The following RNF170 variants were observed in gnomAD, a reference collection of about 807,000 sequenced individuals.
RNF170 encodes the protein E3 ubiquitin-protein ligase RNF170.
RNF170 carries 12 observed loss-of-function variants against 32.7 expected under a neutral mutation model. That is an observed-to-expected ratio of 0.37 (90% CI 0.24 to 0.60). The LOEUF (loss-of-function observed/expected upper bound fraction) is 0.60, where lower values mean the gene tolerates loss of function less well. RNF170 is among the 20% of genes least tolerant of loss of function. The probability of loss-of-function intolerance (pLI) is 0.72; values close to 1 mark genes in which losing one functional copy is unlikely to be tolerated. For synonymous variants in RNF170, 91 were observed against 103.6 expected (o/e 0.88, Z 0.74); for missense variants, 212 against 311.2 (o/e 0.68, Z 2.40).
At chr8:42,867,496 C>T (rs907640767) in intron 4 of RNF170, among the ~76,000 whole-genome samples, 1 of 137,756 alleles carries the variant, frequency 7.3e-6, no homozygotes, top group Non-Finnish European at 1.5e-5. Context: ...AAAAAAAAGG[C>T]CGGGCGCGGT....
chr8:42,873,537 A>C (rs1804677386), intron 3 of RNF170, among the ~76,000 whole-genome samples: 1 of 152,142 alleles, frequency 6.6e-6, no homozygotes, highest in Admixed American at 6.6e-5. Flanking sequence ...TGACAACTGA[A>C]GAAAAAAGGA....
intron 6 of RNF170, among the ~76,000 whole-genome samples, chr8:42,860,169 G>T (rs1224842176): frequency 6.6e-6 from 1 of 152,172 alleles, no homozygotes; most frequent in African/African-American, 2.4e-5. Flanking sequence ...GAAGCAGTTG[G>T]ATCTACAGAG....
chr8:42,893,330 C>G (rs1324523542), intron 1 of RNF170, among the ~76,000 whole-genome samples: 8 of 152,162 alleles, frequency 5.3e-5, no homozygotes, highest in African/African-American at 1.4e-4. Flanking sequence ...AAAAACTGAA[C>G]CCCATCCATC....
chr8:42,886,815 G>T (rs1805863046), intron 2 of RNF170, among the ~76,000 whole-genome samples: 1 of 152,168 alleles, frequency 6.6e-6, no homozygotes, highest in Non-Finnish European at 1.5e-5. Flanking sequence ...TTGAGTCCAG[G>T]AGTTCAAGTC....
intron 3 of RNF170, among the ~76,000 whole-genome samples, chr8:42,871,702 G>A (rs1479668087): frequency 6.6e-6 from 1 of 152,062 alleles, no homozygotes; most frequent in African/African-American, 2.4e-5. Context: ...CTCTGGAGTA[G>A]CTGGGATTAC....
rs529696960 is a variant in RNF170 at position 42,856,098 on chromosome 8, C to T, written c.*61G>A. ...TCATTGCTTTATACTGCCATGGGTCCTTCTGTTTGATGTTCTACATTAGCT... is the reference window on the plus strand; with the variant it reads ...TCATTGCTTTATACTGCCATGGGTCTTTCTGTTTGATGTTCTACATTAGCT... On this transcript the variant is annotated 3_prime_UTR_variant, in exon 7 of 7. Coordinates refer to ENST00000527424, the MANE Select transcript of RNF170 (RefSeq NM_030954.4). 4 of 1,606,656 alleles carry T rather than the reference C, an allele frequency of 2.5e-6. No individual in the cohort carries two copies. In the African/African-American group the frequency reaches 5.3e-5, roughly 21 times the overall value.
At chr8:42,865,255 A>T (rs1282775450) in intron 5 of RNF170, among the ~76,000 whole-genome samples, 161 bp downstream of exon 5, 1 of 151,660 alleles carries the variant, frequency 6.6e-6, no homozygotes, top group Non-Finnish European at 1.5e-5. Flanking sequence ...AAATAAAAAA[A>T]AATAAAAATA....
intron 1 of RNF170, among the ~76,000 whole-genome samples, chr8:42,894,811 C>G (rs1806628471): frequency 6.6e-6 from 1 of 152,120 alleles, no homozygotes; most frequent in South Asian, 2.1e-4. Context: ...GCCTCGGCCT[C>G]CCAAAGTGCT....
upstream of RNF170, chr8:42,897,287 T>A: frequency 1.4e-6 from 1 of 737,260 alleles, no homozygotes; most frequent in Non-Finnish European, 1.8e-6. Flanking sequence ...CGGGCGACGG[T>A]GCCGTCACAT....
downstream of RNF170, among the ~76,000 whole-genome samples, chr8:42,853,109 G>A (rs541847840): frequency 6.6e-6 from 1 of 152,174 alleles, no homozygotes; most frequent in African/African-American, 2.4e-5. Context: ...CTGGGCAAGA[G>A]TGAGACCCTG....
At chr8:42,859,102 T>C (rs561258263) in intron 6 of RNF170, among the ~76,000 whole-genome samples, 11 of 152,228 alleles carry the variant, frequency 7.2e-5, no homozygotes, top group Admixed American at 6.5e-4. Context: ...GAGGAAGGCT[T>C]GAGCCCAGGA....
chr8:42,855,329 A>G lies in RNF170; in HGVS notation c.*830T>C, dbSNP rs895170989. On this transcript the variant is annotated 3_prime_UTR_variant, in exon 7 of 7. Transcript: ENST00000527424. Reference sequence around the variant, plus strand: ...TGGGTTTACGCCATTCTTCTGCCTCAGCCTCCCGAGTAGCTGGGACTACAG... The same window carrying G: ...TGGGTTTACGCCATTCTTCTGCCTCGGCCTCCCGAGTAGCTGGGACTACAG... 7 of 886,966 alleles carry G rather than the reference A, an allele frequency of 7.9e-6. No homozygotes were observed. The African/African-American group carries it at 1.1e-4, about 14-fold the overall frequency. The allele number at this position is 886,966 out of a possible 1,614,324, so 54.9% of individuals were successfully genotyped here. A position where few individuals can be genotyped will look rare whatever the true frequency, so the allele number is the denominator to read the frequency against.
chr8:42,854,028 T>C lies in RNF170; in HGVS notation c.*2131A>G. 7.8e-7 allele frequency: 1 copy of C among 1,287,206 alleles called. No individual in the cohort carries two copies. 79.7% of individuals were successfully genotyped at this position (1,287,206 alleles called of 1,614,324 possible). ...CACCAAATGTGTAATTGGTAGGAAATGCATTTCCAGTCTGGTACATGGCAG... is the reference window on the plus strand; with the variant it reads ...CACCAAATGTGTAATTGGTAGGAAACGCATTTCCAGTCTGGTACATGGCAG... On this transcript the variant is annotated 3_prime_UTR_variant, in exon 7 of 7. Coordinates refer to ENST00000527424, the MANE Select transcript of RNF170 (RefSeq NM_030954.4).
Position 42,853,887 on chromosome 8 carries a change from A to G in RNF170, c.*2272T>C, listed in dbSNP as rs940608430. On this transcript the variant is annotated 3_prime_UTR_variant, in exon 7 of 7. Transcript: ENST00000527424. ...TGGTACAATACACCTCTTTCAGGAA[A>G]GTCTTAGTAGTAACTCCAAATATTA... 2.6e-5 allele frequency: 33 copies of G among 1,286,828 alleles called. No homozygotes were observed. The Admixed American group carries it at 6.7e-4, about 26-fold the overall frequency. 79.7% of individuals were successfully genotyped at this position (1,286,828 alleles called of 1,614,324 possible).
At chr8:42,853,156 A>C (rs1244465946), downstream of RNF170, 1 of 282,836 alleles carries the variant, frequency 3.5e-6, no homozygotes, top group Non-Finnish European at 6.2e-6. Context: ...ACAAAATAAA[A>C]AACCTAACAA....
rs1417449967 is a variant in RNF170, at chr8:42,856,357, G to C, written c.579C>G (p.Gly193=). The C allele has an allele frequency of 6.3e-7, 1 of 1,596,648 alleles. No individual in the cohort carries two copies. The highest frequency in any genetic ancestry group is 8.5e-7 in the Non-Finnish European group (1 of 1,175,870). ...HAFREMFSVG[G]LFWMFRIRII... ...TCCTGATGCGAAACATCCAGAAAAG[G>C]CCCCCGACTGAAAACATTTCCCTGA... Residue 193 remains glycine (G), a synonymous_variant, in exon 7 of 7, where the codon GGC becomes GGG. Transcript: ENST00000527424.
chr8:42,866,478 G>C (rs7812948), intron 4 of RNF170, among the ~76,000 whole-genome samples: 18,189 of 151,962 alleles, frequency 0.12, 1,792 homozygotes, highest in African/African-American at 0.24. Flanking sequence ...AGCTACTTGG[G>C]AGGCTGAGGC....
At chr8:42,890,394 C>CA (rs1204764583) in intron 1 of RNF170, among the ~76,000 whole-genome samples, 1 of 151,768 alleles carries the variant, frequency 6.6e-6, no homozygotes, top group African/African-American at 2.4e-5. Context: ...TCTCTTGCCT[C>CA]AGTCTCCCGA....
chr8:42,860,484 G>A (rs931742849), intron 6 of RNF170, among the ~76,000 whole-genome samples: 4 of 151,878 alleles, frequency 2.6e-5, no homozygotes, highest in Admixed American at 2.0e-4. Context: ...GTGCAGTGGC[G>A]TGATCTCAGC....
Sources: allele counts gnomAD v4.1 joint callset (sites outside exome capture counted in the v4.1 genomes callset), GRCh38; gene constraint gnomAD v4.1.1; transcripts MANE v1.5; gene names NCBI Gene and HGNC (gene_info 2026-07-23, HGNC 2026-07-21).